The following CLNK variants were observed in gnomAD, a reference collection of about 807,000 sequenced individuals.
CLNK encodes the protein cytokine-dependent hematopoietic cell linker.
A neutral mutation model predicts 68.6 loss-of-function variants in CLNK; 74 were observed. That is an observed-to-expected ratio of 1.08 (90% CI 0.89 to 1.31). CLNK has a LOEUF of 1.31. Ranked by LOEUF, CLNK falls within the 50% of genes most tolerant of loss-of-function variation. The probability of loss-of-function intolerance (pLI) is 0.00; values close to 1 mark genes in which losing one functional copy is unlikely to be tolerated. For missense variants in CLNK, 553 were observed against 515.3 expected (o/e 1.07, Z -0.71); for synonymous variants, 198 against 172.2 (o/e 1.15, Z -1.17).
intron 3 of CLNK, among the ~76,000 whole-genome samples, chr4:10,590,179 A>G (rs1053702203): frequency 3.9e-5 from 6 of 152,246 alleles, no homozygotes; most frequent in African/African-American, 1.4e-4. Context: ...CTCATTACAA[A>G]TACAGATTTT....
At chr4:10,493,185 G>A (rs1222567609) in intron 18 of CLNK, among the ~76,000 whole-genome samples, 1 of 152,208 alleles carries the variant, frequency 6.6e-6, no homozygotes, top group African/African-American at 2.4e-5. Flanking sequence ...GGGCATGGTG[G>A]CATGTGCCTG....
chr4:10,715,356 A>G, the CLNK span, among the ~76,000 whole-genome samples: 251 of 152,294 alleles, frequency 1.6e-3, 1 homozygote, highest in African/African-American at 5.7e-3. Context: ...CCGCCCCATC[A>G]TAATAGAACG....
At chr4:10,605,645 T>C (rs920457691) in intron 2 of CLNK, among the ~76,000 whole-genome samples, 1 of 151,732 alleles carries the variant, frequency 6.6e-6, no homozygotes, top group Non-Finnish European at 1.5e-5. Flanking sequence ...CTGCCCAACA[T>C]GGTAAAACCC....
At chr4:10,525,317 G>T (rs529828333) in intron 14 of CLNK, among the ~76,000 whole-genome samples, 1 of 152,060 alleles carries the variant, frequency 6.6e-6, no homozygotes, top group Non-Finnish European at 1.5e-5. Context: ...CACCTGCCTC[G>T]GCCTCCCAAA....
At chr4:10,731,191 T>A in the CLNK span, among the ~76,000 whole-genome samples, 1 of 152,234 alleles carries the variant, frequency 6.6e-6, no homozygotes, top group African/African-American at 2.4e-5. Context: ...TAACTGTTTT[T>A]TTGTACCCAT....
intron 8 of CLNK, among the ~76,000 whole-genome samples, chr4:10,551,400 A>G (rs1719447722): frequency 6.7e-6 from 1 of 149,754 alleles, no homozygotes; most frequent in South Asian, 2.2e-4. Context: ...GTGCACCACC[A>G]TGCCCGGCTA....
At chr4:10,620,401 C>T (rs896098022) in intron 2 of CLNK, among the ~76,000 whole-genome samples, 1 of 152,192 alleles carries the variant, frequency 6.6e-6, no homozygotes, top group Non-Finnish European at 1.5e-5. Flanking sequence ...CTAAAGTCAC[C>T]TCACTCAGGC....
intron 2 of CLNK, among the ~76,000 whole-genome samples, chr4:10,602,767 C>G (rs187001629): frequency 8.5e-4 from 130 of 152,292 alleles, no homozygotes; most frequent in Middle Eastern, 6.8e-3. Flanking sequence ...GACTCCCATC[C>G]AAACACAGGC....
chr4:10,644,188 A>G (rs1170005203), intron 2 of CLNK, among the ~76,000 whole-genome samples: 1 of 152,140 alleles, frequency 6.6e-6, no homozygotes, highest in African/African-American at 2.4e-5. Flanking sequence ...TGTAGAGCAT[A>G]TTTCCATTCA....
intron 5 of CLNK, among the ~76,000 whole-genome samples, chr4:10,568,785 A>G (rs1720222988): frequency 6.6e-6 from 1 of 152,214 alleles, no homozygotes; most frequent in South Asian, 2.1e-4. Flanking sequence ...TGTTGCTTTC[A>G]GTCTTGTGAG....
At chr4:10,537,726 T>TCTTTCTTTCTTTCTTTCTTTCTTTCTTC (rs1718851175) in intron 11 of CLNK, among the ~76,000 whole-genome samples, 1 of 127,988 alleles carries the variant, frequency 7.8e-6, no homozygotes, top group African/African-American at 3.0e-5. Flanking sequence ...TTTCTTTCTT[T>TCTTTCTTTCTTTCTTTCTTTCTTTCTTC]CTTTCTTTCT....
chr4:10,542,056 A>C lies in CLNK; in HGVS notation c.472-15T>G. The stretch of plus-strand genomic sequence containing the variant: ...GGTAAAGGAATCTGAAAAAGAAAAG[A>C]GAAACCTAAATTAAGTTTATTGTTC... On this transcript the variant is annotated splice_polypyrimidine_tract_variant and intron_variant, in intron 9 of 18. Transcript: ENST00000226951. 1 of 1,588,036 alleles carries C rather than the reference A, an allele frequency of 6.3e-7. No individual in the cohort carries two copies. The highest frequency in any genetic ancestry group is 8.6e-7 in the Non-Finnish European group (1 of 1,167,662).
At chr4:10,538,067 C>CT (rs1170725142) in intron 11 of CLNK, among the ~76,000 whole-genome samples, 4 of 152,004 alleles carry the variant, frequency 2.6e-5, no homozygotes, top group Admixed American at 2.6e-4. Context: ...AGATAAAATG[C>CT]TTTTTTCTCC....
chr4:10,608,037 A>C (rs1721853308), intron 2 of CLNK, among the ~76,000 whole-genome samples: 1 of 152,192 alleles, frequency 6.6e-6, no homozygotes, highest in Non-Finnish European at 1.5e-5. Flanking sequence ...GAAGAGTCCC[A>C]AAAAATCCAT....
At chr4:10,507,878 T>C (rs1446576310) in intron 17 of CLNK, 81 bp downstream of exon 17, 1 of 1,016,422 alleles carries the variant, frequency 9.8e-7, no homozygotes, top group Non-Finnish European at 1.5e-6. Flanking sequence ...GCAAGCTGCT[T>C]GTTACGTCTT....
At chr4:10,598,670 G>A (rs1011574566) in intron 2 of CLNK, 2 of 445,724 alleles carry the variant, frequency 4.5e-6, no homozygotes, top group Non-Finnish European at 9.0e-6. Context: ...GAGTTAATTT[G>A]CTAACATTCA....
chr4:10,652,227 C>T (rs1723771788), intron 2 of CLNK, among the ~76,000 whole-genome samples: 1 of 151,328 alleles, frequency 6.6e-6, no homozygotes, highest in South Asian at 2.1e-4. Flanking sequence ...CTAAAAAATA[C>T]AAATATTAGC....
chr4:10,586,599 C>T (rs1720980215), intron 3 of CLNK, among the ~76,000 whole-genome samples: 1 of 152,128 alleles, frequency 6.6e-6, no homozygotes, highest in Admixed American at 6.5e-5. Flanking sequence ...AGGCTTGAGC[C>T]ACCACGCCCA....
intron 14 of CLNK, among the ~76,000 whole-genome samples, chr4:10,521,937 G>A (rs1231810795): frequency 6.6e-6 from 1 of 152,066 alleles, no homozygotes; most frequent in Non-Finnish European, 1.5e-5. Flanking sequence ...ATGAATATAA[G>A]GGGAAAAAAT....
Sources: gnomAD v4.1 joint callset for allele counts (sites outside exome capture counted in the v4.1 genomes callset) on GRCh38, gnomAD v4.1.1 for gene constraint, MANE v1.5 for transcripts, NCBI Gene and HGNC (gene_info 2026-07-23, HGNC 2026-07-21) for gene names.